DCAF5: variants seen among roughly 807,000 people sequenced by gnomAD.
The protein encoded by DCAF5 is DDB1 and CUL4 associated factor 5, also known as DDB1- and CUL4-associated factor 5.
A neutral mutation model predicts 80.7 loss-of-function variants in DCAF5; 9 were observed. That is an observed-to-expected ratio of 0.11 (90% confidence interval 0.07 to 0.19). The LOEUF (loss-of-function observed/expected upper bound fraction) is 0.19. Ranked by LOEUF, DCAF5 falls within the 10% of genes least tolerant of loss-of-function variation. The pLI, the probability that DCAF5 is intolerant of heterozygous loss-of-function variation, is 1.00. For synonymous variants in DCAF5, 433 were observed against 461.9 expected (o/e 0.94, Z 0.80); for missense variants, 842 against 1,205.7 (o/e 0.70, Z 4.47).
chr14:69,146,037 T>C (rs2041527431), intron 1 of DCAF5, among the ~76,000 whole-genome samples: 1 of 152,210 alleles, frequency 6.6e-6, no homozygotes, highest in Non-Finnish European at 1.5e-5. Context: ...GTTTCCCTCA[T>C]CTAAATGACT....
At chr14:69,079,227 G>C (rs2039011598) in intron 6 of DCAF5, among the ~76,000 whole-genome samples, 1 of 152,228 alleles carries the variant, frequency 6.6e-6, no homozygotes, top group Non-Finnish European at 1.5e-5. Flanking sequence ...AAAGCCATGA[G>C]AAGGGAAAAC....
At chr14:69,070,959 G>C (rs1333829046) in intron 7 of DCAF5, among the ~76,000 whole-genome samples, 1 of 151,908 alleles carries the variant, frequency 6.6e-6, no homozygotes, top group Non-Finnish European at 1.5e-5. Context: ...CACTACACCT[G>C]GCTAATTTTT....
At chr14:69,056,605 C>T (rs1448437280) in intron 8 of DCAF5, among the ~76,000 whole-genome samples, 4 of 152,218 alleles carry the variant, frequency 2.6e-5, no homozygotes, top group Non-Finnish European at 5.9e-5. Context: ...GATGAAATCC[C>T]AGGCAATCTT....
chr14:69,141,202 GA>G (rs1358291507), intron 1 of DCAF5, among the ~76,000 whole-genome samples: 36 of 148,540 alleles, frequency 2.4e-4, no homozygotes, highest in Middle Eastern at 7.0e-3. Context: ...AAGGAGAATG[GA>G]TGCTTAAAGG....
In DCAF5 at chr14:69,079,477, G is replaced by A. The variant is rs148739197; in HGVS notation, c.880-4066C>T. ...ATTTTTAGGGAGGGCGTCTTGCCTC[G>A]CTGCCATCTAGTAAGGGCATTTAAG... On this transcript the variant is annotated intron_variant, in intron 6 of 8. Transcript: ENST00000341516. Among the ~76,000 whole-genome samples the A allele has an allele frequency of 1.0e-3, 158 of 152,166 alleles. 2 individuals carry two copies. In the East Asian group the frequency reaches 0.026, roughly 25 times the overall value.
In DCAF5 at chr14:69,053,824, C is replaced by G; in HGVS notation, c.*33G>C. On this transcript the variant is annotated 3_prime_UTR_variant, in exon 9 of 9. Coordinates refer to ENST00000341516, the MANE Select transcript of DCAF5 (RefSeq NM_003861.3). ...CAATTTTTTTTTTTTTGTAAGGCTA[C>G]TTTTGTAGCTTTTTGTTTTCCCTTT... The G allele has an allele frequency of 7.2e-6, 11 of 1,536,576 alleles. No homozygotes were observed. Among genetic ancestry groups the G allele is most frequent in the Non-Finnish European group, 8.7e-6 (10 of 1,150,196 alleles).
intron 1 of DCAF5, among the ~76,000 whole-genome samples, chr14:69,122,889 A>T (rs895511290): frequency 6.6e-6 from 1 of 152,214 alleles, no homozygotes; most frequent in African/African-American, 2.4e-5. Flanking sequence ...ATCTAGACAG[A>T]ATATGGCTCA....
chr14:69,120,750 T>C (rs2040693116), intron 2 of DCAF5, among the ~76,000 whole-genome samples: 1 of 152,182 alleles, frequency 6.6e-6, no homozygotes, highest in South Asian at 2.1e-4. Context: ...TAATGCCTTC[T>C]AGGTATCAGG....
chr14:69,079,724 G>C (rs1236006684), intron 6 of DCAF5, among the ~76,000 whole-genome samples: 4 of 152,096 alleles, frequency 2.6e-5, no homozygotes, highest in Admixed American at 2.0e-4. Context: ...AGGCAGAGTT[G>C]ATCAAAAGAG....
chr14:69,086,292 A>G (rs2039317711), intron 6 of DCAF5, among the ~76,000 whole-genome samples: 1 of 151,876 alleles, frequency 6.6e-6, no homozygotes, highest in Non-Finnish European at 1.5e-5. Flanking sequence ...TGCGAGGCAG[A>G]GGTTGCAGTG....
At position 69,070,790 on chromosome 14, in the gene DCAF5, C is replaced by CTT. The variant is rs67836121; in HGVS notation, c.946+4553_946+4554dup. Among the ~76,000 whole-genome samples the CTT allele has an allele frequency of 1.4e-3, 203 of 144,396 alleles. 4 individuals are homozygous for CTT. In the South Asian group the frequency reaches 0.028, roughly 20 times the overall value. 94.7% of individuals were successfully genotyped at this position (144,396 alleles called of 152,430 possible). ...ATTCCTTCCTCTAATTTTTATTTTT[C>CTT]TTTTTTTTTTTTTGTTTTTCTTTTT... On this transcript the variant is annotated intron_variant, in intron 7 of 8. Transcript: ENST00000341516.
At chr14:69,140,797 T>G (rs963588737) in intron 1 of DCAF5, among the ~76,000 whole-genome samples, 1 of 152,076 alleles carries the variant, frequency 6.6e-6, no homozygotes, top group Non-Finnish European at 1.5e-5. Context: ...CCACTCTGCT[T>G]CTCAGCCTCT....
intron 7 of DCAF5, 134 bp from the exon 8 acceptor site, chr14:69,062,645 T>C (rs2038262472): frequency 6.5e-6 from 6 of 920,560 alleles, no homozygotes; most frequent in Non-Finnish European, 9.6e-6. Context: ...TGCTTAATCT[T>C]ACAGATAAGT....
intron 7 of DCAF5, among the ~76,000 whole-genome samples, chr14:69,062,761 T>C (rs2038268164): frequency 6.6e-6 from 1 of 152,182 alleles, no homozygotes; most frequent in Admixed American, 6.5e-5. Flanking sequence ...TGCAATTCCA[T>C]TGTCAATGAA....
chr14:69,103,185 A>G (rs1427328843), intron 5 of DCAF5, among the ~76,000 whole-genome samples: 1 of 152,236 alleles, frequency 6.6e-6, no homozygotes, highest in African/African-American at 2.4e-5. Context: ...ATTATATAGT[A>G]GCATACTATT....
At chr14:69,111,598 G>A (rs1341087173) in intron 5 of DCAF5, among the ~76,000 whole-genome samples, 1 of 152,084 alleles carries the variant, frequency 6.6e-6, no homozygotes, top group African/African-American at 2.4e-5. Context: ...GATGAGACAA[G>A]TAGAGTGAGA....
At chr14:69,086,065 T>C (rs780682375) in intron 6 of DCAF5, among the ~76,000 whole-genome samples, 1 of 152,134 alleles carries the variant, frequency 6.6e-6, no homozygotes, top group Non-Finnish European at 1.5e-5. Context: ...AGCATTAAAA[T>C]ATAATAGTGG....
At chr14:69,134,261 T>C (rs1339458640) in intron 1 of DCAF5, among the ~76,000 whole-genome samples, 8 of 152,116 alleles carry the variant, frequency 5.3e-5, no homozygotes, top group Non-Finnish European at 1.2e-4. Context: ...TTTTAGACAG[T>C]AGAGAAATGA....
chr14:69,116,349 G>A lies in DCAF5; in HGVS notation c.665+17C>T. 6.2e-7 allele frequency: 1 copy of A among 1,609,442 alleles called. No individual in the cohort carries two copies. Reference sequence around the variant, plus strand: ...GGCAGAGGAAAGTTTTAACACCTATGAATAAAGGGGGCTCACCTCTGAGGT... The same window carrying A: ...GGCAGAGGAAAGTTTTAACACCTATAAATAAAGGGGGCTCACCTCTGAGGT... On this transcript the variant is annotated intron_variant, in intron 5 of 8. Transcript: ENST00000341516.
Sources: allele counts gnomAD v4.1 joint callset (sites outside exome capture counted in the v4.1 genomes callset), GRCh38; gene constraint gnomAD v4.1.1; transcripts MANE v1.5; gene names NCBI Gene and HGNC (gene_info 2026-07-23, HGNC 2026-07-21).